The following RTEL1 variants were observed in gnomAD, a reference collection of about 807,000 sequenced individuals.
RTEL1 encodes regulator of telomere length.
RTEL1 carries 86 observed loss-of-function variants against 162.2 expected under a neutral mutation model. The observed-to-expected ratio is 0.53, with a 90% CI of 0.45 to 0.63. The LOEUF (loss-of-function observed/expected upper bound fraction) is 0.63. Ranked by LOEUF, RTEL1 falls within the 30% of genes least tolerant of loss-of-function variation. The probability of loss-of-function intolerance (pLI) is 0.00; values close to 1 mark genes in which losing one functional copy is unlikely to be tolerated. For synonymous variants in RTEL1, 958 were observed against 717.9 expected (o/e 1.33, Z -5.35); for missense variants, 1,941 against 1,750.2 (o/e 1.11, Z -1.95).
In RTEL1 at chr20:63,688,502, C is replaced by T. The variant is rs760637141; in HGVS notation, c.1723-26C>T. 2.8e-5 allele frequency: 45 copies of T among 1,607,334 alleles called. No individual in the cohort carries two copies. The South Asian group carries it at 3.5e-4, about 13-fold the overall frequency. On this transcript the variant is annotated intron_variant, in intron 20 of 34. Transcript: ENST00000360203. ...GGATCGGCGGCGTGACCAGGGCTGCCGTGTCCCTGCCTCTTCCTCCCACAG... is the reference window on the plus strand; with the variant it reads ...GGATCGGCGGCGTGACCAGGGCTGCTGTGTCCCTGCCTCTTCCTCCCACAG...
In RTEL1 at chr20:63,659,253, C is replaced by G. The variant is rs1013785003; in HGVS notation, c.-150C>G. On this transcript the variant is annotated 5_prime_UTR_variant, in exon 2 of 35. Coordinates refer to ENST00000360203, the MANE Select transcript of RTEL1 (RefSeq NM_001283009.2). ...CCCAGGTCTGTGCCATAGGGATTCT[C>G]GAAGAGAACAGCGTTGTGTCCCAGT... The G allele has an allele frequency of 1.5e-6, 1 of 653,512 alleles. No individual in the cohort carries two copies. Among genetic ancestry groups the G allele is most frequent in the African/African-American group, 1.8e-5 (1 of 56,440 alleles). The allele number at this position is 653,512 out of a possible 1,614,324, so 40.5% of individuals were successfully genotyped here.
chr20:63,691,468 T>C (rs1312133444), intron 27 of RTEL1, among the ~76,000 whole-genome samples: 5 of 152,118 alleles, frequency 3.3e-5, no homozygotes, highest in Non-Finnish European at 5.9e-5. Context: ...ACCAGGCACC[T>C]GTGTCCCCTT....
intron 28 of RTEL1, 129 bp from the exon 29 acceptor site, chr20:63,692,676 C>T (rs1217865075): frequency 1.1e-6 from 1 of 894,880 alleles, no homozygotes; most frequent in Non-Finnish European, 1.7e-6. Flanking sequence ...CAGCCAGTTT[C>T]TCAGGCAGCA....
At chr20:63,691,943 AC>A (rs2090756740) in intron 28 of RTEL1, 106 bp downstream of exon 28, 1 of 816,414 alleles carries the variant, frequency 1.2e-6, no homozygotes, top group African/African-American at 1.7e-5. Flanking sequence ...CAGGGAATCC[AC>A]CCCCAGGAGC....
rs1337481938 is a variant in RTEL1 at position 63,667,556 on chromosome 20, G to A, written c.699+3G>A. ...ACAATTACTTGTTGGATGCCAAGGT[G>A]GGGGCTCAGTCCTGTAGCTGACGAC... On this transcript the variant is annotated splice_donor_region_variant and intron_variant, in intron 8 of 34. Transcript: ENST00000360203. 5 of 1,612,344 alleles carry A rather than the reference G, an allele frequency of 3.1e-6. No homozygotes were observed. The highest frequency in any genetic ancestry group is 4.2e-6 in the Non-Finnish European group (5 of 1,178,624).
chr20:63,688,964 C>A, intron 21 of RTEL1, 91 bp from the exon 22 acceptor site: 1 of 1,150,118 alleles, frequency 8.7e-7, no homozygotes, highest in Non-Finnish European at 1.3e-6. Context: ...GACGATCCTT[C>A]ATCTTGGAGC....
rs1569079043 is a variant in RTEL1 at position 63,661,220 on chromosome 20, G to GA, written c.103-76dup. 7.2e-7 allele frequency: 1 copy of GA among 1,391,716 alleles called. No homozygotes were observed. Among genetic ancestry groups the GA allele is most frequent in the African/African-American group, 1.4e-5 (1 of 70,214 alleles). 86.2% of individuals were successfully genotyped at this position (1,391,716 alleles called of 1,614,324 possible). On this transcript the variant is annotated intron_variant, in intron 2 of 34. Coordinates refer to ENST00000360203, the MANE Select transcript of RTEL1 (RefSeq NM_001283009.2). The surrounding 1 kb of genome is among the most constrained non-coding windows in gnomAD (Gnocchi z 5.1). ...TGCAAAGAGCTGCCCGCTGGCTGCC[G>GA]AAGCTTGTCTCAGGGCAGCTTGTGT...
At chr20:63,693,603 ACCACCACCT>A (rs2090867461) in intron 30 of RTEL1, among the ~76,000 whole-genome samples, 7 of 16,606 alleles carry the variant, frequency 4.2e-4, no homozygotes, top group African/African-American at 6.5e-4. Flanking sequence ...CACCTCCACC[ACCACCACCT>A]CCACCTCCAC....
intron 14 of RTEL1, chr20:63,681,037 C>T: frequency 3.0e-6 from 3 of 985,354 alleles, no homozygotes; most frequent in Non-Finnish European, 3.6e-6. Context: ...CCACTGCTGG[C>T]AGCCCCAGCA....
At chr20:63,671,513 G>A (rs2090241018) in intron 8 of RTEL1, among the ~76,000 whole-genome samples, 1 of 151,662 alleles carries the variant, frequency 6.6e-6, no homozygotes, top group Non-Finnish European at 1.5e-5. Context: ...ACGGGGTCTT[G>A]CTCTGTCACC....
intron 30 of RTEL1, among the ~76,000 whole-genome samples, chr20:63,694,062 C>G (rs940196677): frequency 6.6e-6 from 1 of 152,030 alleles, no homozygotes; most frequent in Non-Finnish European, 1.5e-5. Flanking sequence ...AGGGGGGAAC[C>G]TAGCCTGTTG....
chr20:63,676,269 C>T lies in RTEL1; in HGVS notation c.920-1876C>T, dbSNP rs555511594. Among the ~76,000 whole-genome samples the T allele has an allele frequency of 6.6e-5, 10 of 152,170 alleles. No homozygotes were observed. The East Asian group carries it at 1.7e-3, about 27-fold the overall frequency. ...TTGGCAGGGTCCATTCTTTTCCTCA[C>T]ACTTTATTTATTGAAGAGCCCAGGC... On this transcript the variant is annotated intron_variant, in intron 10 of 34. Coordinates refer to ENST00000360203, the MANE Select transcript of RTEL1 (RefSeq NM_001283009.2).
chr20:63,693,492 T>TCCACCACCACCACCACCACCACCACCA (rs1568720292), intron 30 of RTEL1, among the ~76,000 whole-genome samples: 1 of 4,334 alleles, frequency 2.3e-4, no homozygotes. Context: ...CACCACCACC[T>TCCACCACCACCACCACCACCACCACCA]CCACCTCCAC....
At chr20:63,690,548 C>G in intron 26 of RTEL1, 107 bp downstream of exon 26, 1 of 1,346,044 alleles carries the variant, frequency 7.4e-7, no homozygotes, top group Non-Finnish European at 9.8e-7. Flanking sequence ...TGGCTTTGTG[C>G]GCTTCCCCTC....
intron 14 of RTEL1, chr20:63,682,445 C>G (rs374379256): frequency 1.0e-6 from 1 of 985,770 alleles, no homozygotes; most frequent in Non-Finnish European, 1.2e-6. Flanking sequence ...ACTCTGGAAC[C>G]GGATCCTGGA....
chr20:63,662,023 C>A, intron 4 of RTEL1, 80 bp downstream of exon 4: 1 of 1,099,176 alleles, frequency 9.1e-7, no homozygotes, highest in Non-Finnish European at 1.4e-6. Flanking sequence ...CAGCCCCATG[C>A]TGTGCTGTGG....
At position 63,688,370 on chromosome 20, in the gene RTEL1, G is replaced by A; in HGVS notation, c.1706G>A (p.Ser569Asn). 6.2e-7 allele frequency: 1 copy of A among 1,612,664 alleles called. No individual in the cohort carries two copies. The highest frequency in any genetic ancestry group is 8.5e-7 in the Non-Finnish European group (1 of 1,179,962). ...FFPSYPVMEK[S>N]LEFWRARDLA... Reference sequence around the variant, plus strand: ...CCTTCCTATCCTGTCATGGAGAAGAGCCTGGAGTTCTGGCGGGTGCGTCTC... The same window carrying A: ...CCTTCCTATCCTGTCATGGAGAAGAACCTGGAGTTCTGGCGGGTGCGTCTC... Residue 569 changes from serine (S) to asparagine (N), a missense_variant, in exon 20 of 35, where the codon AGC becomes AAC. Physicochemically the swap from Ser to Asn is conservative, Grantham distance 46. Transcript: ENST00000360203.
At chr20:63,687,254 G>T (rs1356074924) in intron 16 of RTEL1, 1 of 202,696 alleles carries the variant, frequency 4.9e-6, no homozygotes, top group Non-Finnish European at 1.0e-5. Flanking sequence ...TCTTCTGCAC[G>T]CGGCCGTGGA....
In RTEL1 at chr20:63,679,956, G is replaced by T. The variant is rs754588541; in HGVS notation, c.1135+10G>T. 2 of 1,601,916 alleles carry T rather than the reference G, an allele frequency of 1.2e-6. No homozygotes were observed. The highest frequency in any genetic ancestry group is 2.2e-5 in the East Asian group (1 of 44,750). ...CAGCACCTGGCAGGACGTGAGTGCTGGCACGGGGTCTTTGGTGCGGGCAAA... is the reference window on the plus strand; with the variant it reads ...CAGCACCTGGCAGGACGTGAGTGCTTGCACGGGGTCTTTGGTGCGGGCAAA... On this transcript the variant is annotated intron_variant, in intron 13 of 34. Transcript: ENST00000360203.
Sources: allele counts gnomAD v4.1 joint callset (sites outside exome capture counted in the v4.1 genomes callset), GRCh38; gene constraint gnomAD v4.1.1; non-coding constraint Gnocchi (gnomAD v3.1); transcripts MANE v1.5; gene names NCBI Gene and HGNC (gene_info 2026-07-23, HGNC 2026-07-21).